ABCC1: variants seen among roughly 807,000 people sequenced by gnomAD.
ABCC1 encodes the protein multidrug resistance-associated protein 1.
In ABCC1, 83 loss-of-function variants were observed where a neutral mutation model predicts 172.9. The observed-to-expected ratio is 0.48, with a 90% CI of 0.40 to 0.58. ABCC1 has a LOEUF of 0.58. Ranked by LOEUF, ABCC1 falls within the 20% of genes least tolerant of loss-of-function variation. The probability of loss-of-function intolerance (pLI) is 0.00; values close to 1 mark genes in which losing one functional copy is unlikely to be tolerated. For missense variants in ABCC1, 1,817 were observed against 2,002.7 expected (o/e 0.91, Z 1.77); for synonymous variants, 937 against 825.2 (o/e 1.14, Z -2.32).
At chr16:16,041,273 G>T (rs1035160273) in intron 7 of ABCC1, among the ~76,000 whole-genome samples, 1 of 152,122 alleles carries the variant, frequency 6.6e-6, no homozygotes, top group African/African-American at 2.4e-5. Context: ...TGAGAATTCA[G>T]TGAGATATAT....
chr16:15,952,632 G>T (rs1195103518), intron 1 of ABCC1, among the ~76,000 whole-genome samples: 1 of 151,320 alleles, frequency 6.6e-6, no homozygotes, highest in East Asian at 1.9e-4. Flanking sequence ...TCTCATGGGG[G>T]TGGGACTGGT....
chr16:16,039,347 A>G (rs909871723), intron 7 of ABCC1, among the ~76,000 whole-genome samples: 7 of 131,850 alleles, frequency 5.3e-5, no homozygotes, highest in Non-Finnish European at 8.2e-5. Context: ...GGCTCACTGC[A>G]ACCTCTGCCT....
chr16:16,010,291 G>A (rs1474104159), intron 3 of ABCC1, among the ~76,000 whole-genome samples: 1 of 152,008 alleles, frequency 6.6e-6, no homozygotes, highest in Non-Finnish European at 1.5e-5. Context: ...CTGGCCTCAA[G>A]TGATCCTTCC....
intron 5 of ABCC1, among the ~76,000 whole-genome samples, chr16:16,021,878 G>T (rs1456743482): frequency 6.6e-6 from 1 of 152,184 alleles, no homozygotes; most frequent in Non-Finnish European, 1.5e-5. Flanking sequence ...GACGTCAGCA[G>T]CCCCTTCTTG....
chr16:16,027,461 C>T (rs1009862661), intron 5 of ABCC1, among the ~76,000 whole-genome samples: 22 of 152,074 alleles, frequency 1.4e-4, no homozygotes, highest in African/African-American at 4.6e-4. Context: ...ATTGTGAACC[C>T]ACTGGGGTTT....
intron 12 of ABCC1, among the ~76,000 whole-genome samples, chr16:16,064,519 T>A (rs572822980): frequency 1.1e-4 from 16 of 152,344 alleles, no homozygotes; most frequent in Admixed American, 8.5e-4. Context: ...CCGCATGATG[T>A]TGTCCTGTCC....
chr16:16,006,112 T>G (rs1185548704), intron 1 of ABCC1, among the ~76,000 whole-genome samples: 1 of 152,182 alleles, frequency 6.6e-6, no homozygotes, highest in African/African-American at 2.4e-5. Flanking sequence ...AAGCCATCTA[T>G]GGGCCAAACT....
intron 23 of ABCC1, 66 bp from the exon 24 acceptor site, chr16:16,121,908 AG>A: frequency 1.3e-6 from 2 of 1,552,350 alleles, no homozygotes; most frequent in Non-Finnish European, 1.8e-6. Flanking sequence ...TCTCCAGCAC[AG>A]CCCTGCCCTG....
At chr16:15,958,712 G>A (rs1227937891) in intron 1 of ABCC1, among the ~76,000 whole-genome samples, 1 of 152,150 alleles carries the variant, frequency 6.6e-6, no homozygotes, top group Admixed American at 6.6e-5. Flanking sequence ...CAAGAAAACT[G>A]GGATAGGGCA....
intron 17 of ABCC1, among the ~76,000 whole-genome samples, chr16:16,084,277 A>C (rs972138428): frequency 6.6e-6 from 1 of 151,666 alleles, no homozygotes; most frequent in Admixed American, 6.6e-5. Flanking sequence ...TAATTTTTGT[A>C]TTTTTAGTCG....
chr16:15,995,590 C>T (rs149909359), intron 1 of ABCC1, among the ~76,000 whole-genome samples: 7 of 150,484 alleles, frequency 4.7e-5, no homozygotes, highest in African/African-American at 1.7e-4. Flanking sequence ...CTTTATTTTA[C>T]TTCCACATGA....
intron 1 of ABCC1, among the ~76,000 whole-genome samples, chr16:16,000,756 A>AGCC (rs2047280791): frequency 6.6e-6 from 1 of 152,208 alleles, no homozygotes; most frequent in African/African-American, 2.4e-5. Context: ...TACTGTGCCT[A>AGCC]GCCAGATTAT....
chr16:16,138,680 A>C, intron 30 of ABCC1, 122 bp downstream of exon 30: 2 of 420,976 alleles, frequency 4.8e-6, no homozygotes, highest in East Asian at 9.8e-5. Context: ...CAGTGGGTGG[A>C]TCCTCTCTTC....
chr16:16,044,255 C>G (rs1315699495), intron 7 of ABCC1, among the ~76,000 whole-genome samples, 195 bp from the exon 8 acceptor site: 1 of 152,178 alleles, frequency 6.6e-6, no homozygotes, highest in African/African-American at 2.4e-5. Flanking sequence ...CCAAGCCAGA[C>G]CTTGAGCCGG....
intron 24 of ABCC1, 48 bp downstream of exon 24, chr16:16,122,222 A>G: frequency 1.3e-6 from 2 of 1,596,080 alleles, no homozygotes; most frequent in Non-Finnish European, 1.7e-6. Context: ...CCGCCTTAGC[A>G]CCTTGTCTCT....
chr16:16,131,275 G>A (rs2045661819), intron 26 of ABCC1, among the ~76,000 whole-genome samples: 1 of 152,184 alleles, frequency 6.6e-6, no homozygotes, highest in South Asian at 2.1e-4. Flanking sequence ...TTTACAGAAG[G>A]TATCTCTGAC....
At chr16:16,052,322 C>G (rs1021048952) in intron 10 of ABCC1, among the ~76,000 whole-genome samples, 1 of 151,948 alleles carries the variant, frequency 6.6e-6, no homozygotes, top group Non-Finnish European at 1.5e-5. Flanking sequence ...GTAGCAAGAC[C>G]TAATGCTTAC....
chr16:16,110,059 T>C (rs563238624), intron 21 of ABCC1, among the ~76,000 whole-genome samples: 1 of 152,096 alleles, frequency 6.6e-6, no homozygotes, highest in East Asian at 1.9e-4. Flanking sequence ...CCTTTGCACA[T>C]GCTGGTTCTG....
intron 1 of ABCC1, among the ~76,000 whole-genome samples, chr16:15,964,515 T>G (rs1168953919): frequency 6.6e-6 from 1 of 152,118 alleles, no homozygotes; most frequent in Non-Finnish European, 1.5e-5. Flanking sequence ...GGGATTTAGG[T>G]GGGGACACAG....
Sources: gnomAD v4.1 joint callset for allele counts (sites outside exome capture counted in the v4.1 genomes callset) on GRCh38, gnomAD v4.1.1 for gene constraint, MANE v1.5 for transcripts, NCBI Gene and HGNC (gene_info 2026-07-23, HGNC 2026-07-21) for gene names.